SERTAD4: variants seen among roughly 807,000 people sequenced by gnomAD.
SERTAD4 encodes SERTA domain containing 4.
SERTAD4 carries 18 observed loss-of-function variants against 32.9 expected under a neutral mutation model. The ratio of observed to expected loss-of-function variants is 0.55; its 90% CI spans 0.38 to 0.81. The LOEUF (loss-of-function observed/expected upper bound fraction) is 0.81, where lower values mean the gene tolerates loss of function less well. SERTAD4 is among the 30% of genes least tolerant of loss of function. The pLI is 0.00. For missense variants in SERTAD4, 383 were observed against 426.0 expected, an observed-to-expected ratio of 0.90 and a Z score of 0.89; for synonymous variants, 150 against 156.4, an observed-to-expected ratio of 0.96 and a Z score of 0.30.
Position 210,245,206 on chromosome 1 carries a change from T to C in SERTAD4, c.*2869T>C, listed in dbSNP as rs2084037135. ...GCTGCACCTTCTCTCATTGCTGTGC[T>C]CTGCTTTAAGGAAAACCTGATATGA... On this transcript the variant is annotated 3_prime_UTR_variant, in exon 4 of 4. Transcript: ENST00000367012. The C allele has an allele frequency of 6.6e-6, 1 of 152,218 alleles. No individual in the cohort carries two copies. Among genetic ancestry groups the C allele is most frequent in the Admixed American group, 6.5e-5 (1 of 15,282 alleles). 9.4% of individuals were successfully genotyped at this position (152,218 alleles called of 1,614,324 possible).
chr1:210,241,508 C>G (rs2147849135), intron 3 of SERTAD4, 50 bp from the exon 4 acceptor site: 3 of 1,492,812 alleles, frequency 2.0e-6, no homozygotes, highest in East Asian at 2.3e-5. Flanking sequence ...TAAGCTTTCT[C>G]TCTTCCTTTT....
rs566745446 is a variant in SERTAD4, at chr1:210,245,171, G to A, written c.*2834G>A. 2.6e-5 allele frequency: 4 copies of A among 152,100 alleles called. 1 individual carries two copies. The highest frequency in any genetic ancestry group is 9.7e-5 in the African/African-American group (4 of 41,398). The allele number at this position is 152,100 out of a possible 1,614,324, so 9.4% of individuals were successfully genotyped here. On this transcript the variant is annotated 3_prime_UTR_variant, in exon 4 of 4. Transcript: ENST00000367012. ...ATCCTCCACCCACACTGGTATCTAC[G>A]CGCCTGGAAGCTGCACCTTCTCTCA...
intron 3 of SERTAD4, 147 bp from the exon 4 acceptor site, chr1:210,241,411 C>G: frequency 2.5e-6 from 2 of 803,242 alleles, no homozygotes; most frequent in Non-Finnish European, 3.7e-6. Context: ...TAAATTAACC[C>G]TGCGGAACAA....
rs2084024061 is a variant in SERTAD4, at chr1:210,243,935, A to G, written c.*1598A>G. Reference sequence around the variant, plus strand: ...GTCCACAAAGACCAATTTTTAAAACATTTTCTTGTGTTATAGTTAAATAGT... The same window carrying G: ...GTCCACAAAGACCAATTTTTAAAACGTTTTCTTGTGTTATAGTTAAATAGT... On this transcript the variant is annotated 3_prime_UTR_variant, in exon 4 of 4. Transcript: ENST00000367012. The G allele has an allele frequency of 6.6e-6, 1 of 152,112 alleles. No individual in the cohort carries two copies. The highest frequency in any genetic ancestry group is 1.5e-5 in the Non-Finnish European group (1 of 68,014). 9.4% of individuals were successfully genotyped at this position (152,112 alleles called of 1,614,324 possible). A position where few individuals can be genotyped will look rare whatever the true frequency, so the allele number is the denominator to read the frequency against.
rs368662687 is a variant in SERTAD4, at chr1:210,238,063, G to A, written c.103G>A (p.Gly35Arg). The change falls in exon 2 of 4, where the codon GGA becomes AGA. Residue 35 changes from glycine to arginine, a missense_variant. By Grantham distance (125) the Gly-to-Arg change is moderately radical (BLOSUM62 -2). Around this residue, in one of 3 missense-constraint regions of SERTAD4, gnomAD observed 96 missense variants for 76.6 expected, o/e 1.25. Transcript: ENST00000367012. ...YQTLWEADSY[G>R]GPSPPGPAQA... ...AACACTATGGGAGGCTGACAGCTAC[G>A]GAGGCCCAAGCCCCCCAGGGCCAGC... The A allele has an allele frequency of 1.1e-5, 18 of 1,613,702 alleles. No individual in the cohort carries two copies. Among genetic ancestry groups the A allele is most frequent in the Admixed American group, 3.3e-5 (2 of 59,930 alleles).
intron 1 of SERTAD4, among the ~76,000 whole-genome samples, chr1:210,236,778 G>A (rs2083944114): frequency 6.6e-6 from 1 of 152,220 alleles, no homozygotes; most frequent in South Asian, 2.1e-4. Context: ...GATAGTGGGG[G>A]CTTGAGTCTC....
In SERTAD4 at chr1:210,242,527, A is replaced by T. The variant is rs778574791; in HGVS notation, c.*190A>T. 52 of 1,331,276 alleles carry T rather than the reference A, an allele frequency of 3.9e-5. No individual in the cohort carries two copies. Among genetic ancestry groups the T allele is most frequent in the Non-Finnish European group, 4.6e-5 (48 of 1,048,748 alleles). The allele number at this position is 1,331,276 out of a possible 1,614,324, so 82.5% of individuals were successfully genotyped here. A position where few individuals can be genotyped will look rare whatever the true frequency, so the allele number is the denominator to read the frequency against. On this transcript the variant is annotated 3_prime_UTR_variant, in exon 4 of 4. Transcript: ENST00000367012. This position sits in a 1 kb window ranked among gnomAD's most constrained non-coding sequence, Gnocchi z 4.0. ...AGCAGGCATCAGCGAGCTTCTTATAAATGTGGTGATTTTTACCAAGGAAAC... is the reference window on the plus strand; with the variant it reads ...AGCAGGCATCAGCGAGCTTCTTATATATGTGGTGATTTTTACCAAGGAAAC...
At chr1:210,236,612 G>A (rs957090376) in intron 1 of SERTAD4, among the ~76,000 whole-genome samples, 4 of 151,902 alleles carry the variant, frequency 2.6e-5, no homozygotes, top group Admixed American at 2.6e-4. Context: ...AGTCTCCCAC[G>A]AGACAATGGT....
At position 210,242,094 on chromosome 1, in the gene SERTAD4, G is replaced by C. The variant is rs1358156235; in HGVS notation, c.828G>C (p.Gln276His). Reference sequence around the variant, plus strand: ...CTAATGTCAGATCACTTGGTGTTCAGGAAAAGGCCAAATTAAATGATGAGA... The same window carrying C: ...CTAATGTCAGATCACTTGGTGTTCACGAAAAGGCCAAATTAAATGATGAGA... ...FVTNVRSLGV[Q>H]EKAKLNDEKA... Residue 276 changes from glutamine to histidine, a missense_variant, in exon 4 of 4, where the codon CAG (glutamine) becomes CAC (histidine). Coordinates refer to ENST00000367012, the MANE Select transcript of SERTAD4 (RefSeq NM_019605.5). The surrounding 1 kb of genome is among the most constrained non-coding windows in gnomAD (Gnocchi z 4.0). 6.2e-7 allele frequency: 1 copy of C among 1,614,160 alleles called. No individual in the cohort carries two copies. Among genetic ancestry groups the C allele is most frequent in the Non-Finnish European group, 8.5e-7 (1 of 1,180,038 alleles).
chr1:210,240,704 A>T (rs1210439629), intron 3 of SERTAD4, among the ~76,000 whole-genome samples: 2 of 152,198 alleles, frequency 1.3e-5, no homozygotes, highest in Non-Finnish European at 2.9e-5. Context: ...CTCAGGAGTG[A>T]GCCCTCTCAT....
rs2084035640 is a variant in SERTAD4 at position 210,245,107 on chromosome 1, T to C, written c.*2770T>C. The stretch of plus-strand genomic sequence containing the variant: ...AGTAAGTTATATCTCTTAACTGGAT[T>C]CTATAGTTTTATCTCGAGCAACTTG... On this transcript the variant is annotated 3_prime_UTR_variant, in exon 4 of 4. Transcript: ENST00000367012. 6.6e-6 allele frequency: 1 copy of C among 152,206 alleles called. No individual in the cohort carries two copies. Among genetic ancestry groups the C allele is most frequent in the Admixed American group, 6.5e-5 (1 of 15,274 alleles). The allele number at this position is 152,206 out of a possible 1,614,324, so 9.4% of individuals were successfully genotyped here.
intron 3 of SERTAD4, among the ~76,000 whole-genome samples, chr1:210,240,808 A>G (rs1265323628): frequency 1.3e-5 from 2 of 152,202 alleles, no homozygotes; most frequent in Admixed American, 6.5e-5. Flanking sequence ...AGCCTCATTC[A>G]TTAGTGTGTC....
chr1:210,236,536 C>T (rs926915309), intron 1 of SERTAD4, among the ~76,000 whole-genome samples: 1 of 152,204 alleles, frequency 6.6e-6, no homozygotes, highest in African/African-American at 2.4e-5. Context: ...GCTATTTCGC[C>T]TTACCCTGGT....
intron 1 of SERTAD4, among the ~76,000 whole-genome samples, chr1:210,235,233 T>C (rs113184207): frequency 6.6e-6 from 1 of 152,248 alleles, no homozygotes; most frequent in African/African-American, 2.4e-5. Context: ...GAATTATAAA[T>C]CTTATCAGAC....
intron 1 of SERTAD4, among the ~76,000 whole-genome samples, chr1:210,236,072 AT>A (rs2083937998): frequency 6.6e-6 from 1 of 152,258 alleles, no homozygotes; most frequent in Non-Finnish European, 1.5e-5. Flanking sequence ...CTTCCAGGGA[AT>A]AAATCATCAT....
chr1:210,243,114 A>AAAAAAAAAAAAAC lies in SERTAD4; in HGVS notation c.*778_*779insAAAAAAAAAAACA. 3 of 695,888 alleles carry AAAAAAAAAAAAAC rather than the reference A, an allele frequency of 4.3e-6. No homozygotes were observed. Among genetic ancestry groups the AAAAAAAAAAAAAC allele is most frequent in the Non-Finnish European group, 5.3e-6 (3 of 567,456 alleles). The allele number at this position is 695,888 out of a possible 1,614,324, so 43.1% of individuals were successfully genotyped here. ...AGGACAAAAAAAAAAAAAAAAAAAAAACCACAGGGTGGATCAATATGGTTT... is the reference window on the plus strand; with the variant it reads ...AGGACAAAAAAAAAAAAAAAAAAAAAAAAAAAAAAAAACACCACAGGGTGGATCAATATGGTTT... On this transcript the variant is annotated 3_prime_UTR_variant, in exon 4 of 4. Transcript: ENST00000367012.
chr1:210,237,830 C>A, intron 1 of SERTAD4, 114 bp from the exon 2 acceptor site: 1 of 734,884 alleles, frequency 1.4e-6, no homozygotes, highest in Non-Finnish European at 2.2e-6. Context: ...AAGGGGAGGG[C>A]CGAGAAGTAA....
At position 210,246,070 on chromosome 1, in the gene SERTAD4, A is replaced by T. The variant is rs1363368069; in HGVS notation, c.*3733A>T. 1 of 264,592 alleles carries T rather than the reference A, an allele frequency of 3.8e-6. No individual in the cohort carries two copies. Among genetic ancestry groups the T allele is most frequent in the African/African-American group, 2.3e-5 (1 of 43,360 alleles). The allele number at this position is 264,592 out of a possible 1,614,324, so 16.4% of individuals were successfully genotyped here. Reference sequence around the variant, plus strand: ...TAGATTTTTTCAGAGACAAGCATTCAGCATGGCATTAGTAATGATGGTTTA... The same window carrying T: ...TAGATTTTTTCAGAGACAAGCATTCTGCATGGCATTAGTAATGATGGTTTA... On this transcript the variant is annotated 3_prime_UTR_variant, in exon 4 of 4. Transcript: ENST00000367012.
At chr1:210,239,370 A>ACAG in intron 2 of SERTAD4, 123 bp from the exon 3 acceptor site, 1 of 623,324 alleles carries the variant, frequency 1.6e-6, no homozygotes, top group Non-Finnish European at 2.9e-6. Context: ...ATTTTTAATC[A>ACAG]CCACATGTAC....
Sources: gnomAD v4.1 joint callset for allele counts (sites outside exome capture counted in the v4.1 genomes callset) on GRCh38, gnomAD v4.1.1 for gene constraint, gnomAD v4.1.1 regional missense constraint, Gnocchi (gnomAD v3.1) non-coding constraint, MANE v1.5 for transcripts, NCBI Gene and HGNC (gene_info 2026-07-23, HGNC 2026-07-21) for gene names.